Variants in SERPINB7 observed in about 807,000 individuals in gnomAD.
The protein encoded by SERPINB7 is serpin B7.
In SERPINB7, 31 loss-of-function variants were observed where a neutral mutation model predicts 37.4. The observed-to-expected ratio is 0.83, with a 90% CI of 0.62 to 1.12. The LOEUF is 1.12. SERPINB7 is among the 50% of genes most tolerant of loss of function. The probability of loss-of-function intolerance (pLI) is 0.00; values close to 1 mark genes in which losing one functional copy is unlikely to be tolerated. For missense variants in SERPINB7, 521 were observed against 455.3 expected (o/e 1.14, Z -1.31); for synonymous variants, 163 against 166.1 (o/e 0.98, Z 0.14).
intron 6 of SERPINB7, 47 bp from the exon 7 acceptor site, chr18:63,800,819 T>C (rs776986909): frequency 1.9e-6 from 3 of 1,600,748 alleles, no homozygotes; most frequent in Non-Finnish European, 2.6e-6. Context: ...GTTAATAAAG[T>C]AAAATGAGGT....
chr18:63,768,832 A>G (rs2049194568), intron 1 of SERPINB7, among the ~76,000 whole-genome samples: 1 of 152,028 alleles, frequency 6.6e-6, no homozygotes, highest in Non-Finnish European at 1.5e-5. Context: ...GCCCCAGTCT[A>G]CTACTAAGCT....
At chr18:63,795,570 A>G (rs1344602559) in intron 4 of SERPINB7, among the ~76,000 whole-genome samples, 2 of 142,048 alleles carry the variant, frequency 1.4e-5, no homozygotes, top group East Asian at 4.6e-4. Flanking sequence ...GTCTCAAAAA[A>G]AGAATTAAAA....
At chr18:63,795,095 T>A (rs1467772267) in intron 4 of SERPINB7, among the ~76,000 whole-genome samples, 1 of 152,244 alleles carries the variant, frequency 6.6e-6, no homozygotes, top group Non-Finnish European at 1.5e-5. Flanking sequence ...GCAACTATTA[T>A]GTCCAAGGCA....
intron 1 of SERPINB7, among the ~76,000 whole-genome samples, chr18:63,770,208 G>A (rs896568457): frequency 2.7e-5 from 4 of 150,560 alleles, no homozygotes; most frequent in Non-Finnish European, 4.4e-5. Flanking sequence ...TCTTCTTTCC[G>A]GACCTCTGGT....
chr18:63,786,089 TATA>T (rs1470515721), intron 2 of SERPINB7, among the ~76,000 whole-genome samples: 5 of 129,186 alleles, frequency 3.9e-5, no homozygotes, highest in South Asian at 2.3e-4. Context: ...CATATATACA[TATA>T]ATATAAGTAT....
Position 63,798,689 on chromosome 18 carries a change from G to C in SERPINB7, c.540G>C (p.Lys180Asn). Reference protein sequence around the residue: ...VLVNAVYFKGKWQSAFTKSET... With the variant: ...VLVNAVYFKGNWQSAFTKSET... ...TGAATGCTGTGTACTTCAAAGGCAA[G>C]TGGCAATCAGCCTTCACCAAGAGCG... The change falls in exon 6 of 8, where the codon AAG becomes AAC. Residue 180 changes from lysine (K) to asparagine (N), a missense_variant. Lys to Asn is a moderately conservative substitution (Grantham distance 94, BLOSUM62 0). Coordinates refer to ENST00000398019, the MANE Select transcript of SERPINB7 (RefSeq NM_003784.4). The C allele has an allele frequency of 1.9e-6, 3 of 1,613,112 alleles. No homozygotes were observed. The highest frequency in any genetic ancestry group is 2.5e-6 in the Non-Finnish European group (3 of 1,179,634).
intron 1 of SERPINB7, among the ~76,000 whole-genome samples, chr18:63,762,078 T>C (rs2049157353): frequency 6.6e-6 from 1 of 152,214 alleles, no homozygotes; most frequent in Admixed American, 6.5e-5. Context: ...CACCTCGTAA[T>C]TGCTTGTGAG....
chr18:63,772,526 A>G (rs1197406291), upstream of SERPINB7, among the ~76,000 whole-genome samples: 1 of 152,120 alleles, frequency 6.6e-6, no homozygotes, highest in African/African-American at 2.4e-5. Context: ...TTTTCATGAC[A>G]AATAATGACA....
At chr18:63,772,002 G>A (rs994767117), upstream of SERPINB7, among the ~76,000 whole-genome samples, 6 of 151,382 alleles carry the variant, frequency 4.0e-5, no homozygotes, top group Admixed American at 2.6e-4. Context: ...GAATACATGT[G>A]CAGGTTTGTT....
At chr18:63,768,280 T>C (rs1271890429) in intron 1 of SERPINB7, among the ~76,000 whole-genome samples, 2 of 152,044 alleles carry the variant, frequency 1.3e-5, no homozygotes, top group Non-Finnish European at 2.9e-5. Context: ...TTTTTTATTC[T>C]GTAGATCATT....
At chr18:63,787,014 G>T (rs1177654038) in intron 2 of SERPINB7, among the ~76,000 whole-genome samples, 1 of 152,046 alleles carries the variant, frequency 6.6e-6, no homozygotes, top group Non-Finnish European at 1.5e-5. Context: ...CATGAGATGG[G>T]ATAAGACCCA....
rs539265479 is a variant in SERPINB7, at chr18:63,804,410, T to A, written c.918T>A (p.Asp306Glu). The A allele has an allele frequency of 1.2e-6, 2 of 1,613,654 alleles. No individual in the cohort carries two copies. Among genetic ancestry groups the A allele is most frequent in the South Asian group, 2.2e-5 (2 of 91,054 alleles). Residue 306 changes from aspartate (D) to glutamate (E), a missense_variant, in exon 8 of 8, where the codon GAT becomes GAA. Transcript: ENST00000398019. ...LKDIFDESKADLSGIASGGRL... is the reference protein window; with the variant it reads ...LKDIFDESKAELSGIASGGRL... The stretch of plus-strand genomic sequence containing the variant: ...ATATCTTTGATGAATCCAAAGCAGA[T>A]CTCTCTGGGATTGCTTCGGGGGGTC...
chr18:63,801,111 G>C, intron 7 of SERPINB7, 99 bp downstream of exon 7: 2 of 1,183,168 alleles, frequency 1.7e-6, no homozygotes, highest in South Asian at 2.9e-5. Context: ...AGGGTATTGA[G>C]ATACTAGAGA....
At chr18:63,796,534 G>T (rs2049490764) in intron 5 of SERPINB7, 151 bp downstream of exon 5, 2 of 533,620 alleles carry the variant, frequency 3.7e-6, no homozygotes, top group Non-Finnish European at 6.7e-6. Context: ...TTTAGTATTT[G>T]TCTGCAATGT....
At chr18:63,764,308 G>C (rs1323506004) in intron 1 of SERPINB7, among the ~76,000 whole-genome samples, 1 of 152,234 alleles carries the variant, frequency 6.6e-6, no homozygotes, top group South Asian at 2.1e-4. Context: ...CAATTACTGT[G>C]TCTGGGGATT....
intron 7 of SERPINB7, among the ~76,000 whole-genome samples, chr18:63,802,057 C>T (rs2049555518): frequency 6.6e-6 from 1 of 152,162 alleles, no homozygotes; most frequent in Non-Finnish European, 1.5e-5. Flanking sequence ...GTTATCTTAG[C>T]CTATGCCAAA....
chr18:63,782,228 AT>A (rs1202280707), intron 1 of SERPINB7, 126 bp from the exon 2 acceptor site: 1 of 529,190 alleles, frequency 1.9e-6, no homozygotes, highest in African/African-American at 2.0e-5. Flanking sequence ...TGTTAGAGTT[AT>A]TTGATGATTA....
chr18:63,759,045 T>C lies in SERPINB7; in HGVS notation c.-19+5925T>C, dbSNP rs577765899. On this transcript the variant is annotated intron_variant, in intron 1 of 7. Coordinates refer to the SERPINB7 transcript ENST00000336429. ...TAATGACCTCCTAATACGTTTCTAC[T>C]TGATCATATGCATGGGTGCATACAC... Among the ~76,000 whole-genome samples, 3 of 152,376 alleles carry C rather than the reference T, an allele frequency of 2.0e-5. No individual in the cohort carries two copies. In the South Asian group the frequency reaches 6.2e-4, roughly 32 times the overall value.
At chr18:63,769,894 G>A (rs2049200660) in intron 1 of SERPINB7, among the ~76,000 whole-genome samples, 1 of 151,632 alleles carries the variant, frequency 6.6e-6, no homozygotes, top group Non-Finnish European at 1.5e-5. Flanking sequence ...AGGGGAAGGG[G>A]TGCTACACTT....
Sources: allele counts gnomAD v4.1 joint callset (sites outside exome capture counted in the v4.1 genomes callset), GRCh38; gene constraint gnomAD v4.1.1; transcripts MANE v1.5; gene names NCBI Gene and HGNC (gene_info 2026-07-23, HGNC 2026-07-21).